Variants in UNK observed in about 807,000 individuals in gnomAD.
UNK encodes the protein RING finger protein unkempt homolog.
A neutral mutation model predicts 97.6 loss-of-function variants in UNK; 32 were observed. The ratio of observed to expected loss-of-function variants is 0.33; its 90% CI spans 0.25 to 0.44. The LOEUF (loss-of-function observed/expected upper bound fraction) is 0.44. UNK is among the 20% of genes least tolerant of loss of function. The pLI is 1.00. For missense variants in UNK, 771 were observed against 1,098.4 expected (o/e 0.70, Z 4.21); for synonymous variants, 441 against 461.2 (o/e 0.96, Z 0.56).
At position 75,813,059 on chromosome 17, in the gene UNK, C is replaced by T. The variant is rs761277066; in HGVS notation, c.623-19C>T. On this transcript the variant is annotated intron_variant, in intron 4 of 15. Coordinates refer to ENST00000589666, the MANE Select transcript of UNK (RefSeq NM_001080419.3). Reference sequence around the variant, plus strand: ...CCAGCTCCTCTCACCTGACCCCTGCCCTCTGGCCCCCTGTGCAGAGACTGC... The same window carrying T: ...CCAGCTCCTCTCACCTGACCCCTGCTCTCTGGCCCCCTGTGCAGAGACTGC... 8 of 1,576,450 alleles carry T rather than the reference C, an allele frequency of 5.1e-6. No homozygotes were observed. The highest frequency in any genetic ancestry group is 3.7e-5 in the Admixed American group (2 of 54,604).
chr17:75,784,967 G>T lies in UNK; in HGVS notation c.87G>T (p.Glu29Asp). Residue 29 changes from glutamate to aspartate, a missense_variant, in exon 1 of 16, where the codon GAG becomes GAT. Around this residue, in one of 5 missense-constraint regions of UNK, gnomAD observed 246 missense variants for 440.7 expected, o/e 0.56. Transcript: ENST00000589666. ...CTCAGGTGCTGCAGGCACAGCCCGA[G>T]AAACCGCAGCACTACACGTACGTAG... ...ATAQVLQAQP[E>D]KPQHYTYLKE... 6.6e-7 allele frequency: 1 copy of T among 1,519,542 alleles called. No homozygotes were observed. Among genetic ancestry groups the T allele is most frequent in the African/African-American group, 1.4e-5 (1 of 70,650 alleles). 94.1% of individuals were successfully genotyped at this position (1,519,542 alleles called of 1,614,324 possible).
intron 1 of UNK, among the ~76,000 whole-genome samples, chr17:75,790,233 G>A (rs909120506): frequency 6.6e-6 from 1 of 152,176 alleles, no homozygotes; most frequent in East Asian, 1.9e-4. Context: ...GGAGGCGGGG[G>A]TTGCAGTGAG....
chr17:75,816,971 T>TC lies in UNK; in HGVS notation c.1104+61dup. 3 of 1,536,002 alleles carry TC rather than the reference T, an allele frequency of 2.0e-6. No homozygotes were observed. Among genetic ancestry groups the TC allele is most frequent in the Non-Finnish European group, 2.6e-6 (3 of 1,143,784 alleles). Reference sequence around the variant, plus strand: ...ATGCCTGACAGAGCCAATACTTGCCTCCTAGGCCCTTTCAGCCTGGGCTTG... The same window carrying TC: ...ATGCCTGACAGAGCCAATACTTGCCTCCCTAGGCCCTTTCAGCCTGGGCTTG... On this transcript the variant is annotated intron_variant, in intron 8 of 15. Transcript: ENST00000589666. The surrounding 1 kb of genome is among the most constrained non-coding windows in gnomAD (Gnocchi z 4.0).
chr17:75,817,271 A>G lies in UNK; in HGVS notation c.1105-55A>G. ...CTCTGGAGAGGGTGGAGGATGGGCC[A>G]CGCACCAGCCTGCGCTGTGCCCACG... On this transcript the variant is annotated intron_variant, in intron 8 of 15. Transcript: ENST00000589666. The surrounding 1 kb of genome is among the most constrained non-coding windows in gnomAD (Gnocchi z 5.8). 2.0e-6 allele frequency: 3 copies of G among 1,489,814 alleles called. No individual in the cohort carries two copies. The highest frequency in any genetic ancestry group is 2.8e-5 in the African/African-American group (2 of 71,378). 92.3% of individuals were successfully genotyped at this position (1,489,814 alleles called of 1,614,324 possible).
intron 14 of UNK, 121 bp downstream of exon 14, chr17:75,822,779 TCA>T: frequency 8.0e-7 from 1 of 1,249,440 alleles, no homozygotes; most frequent in Non-Finnish European, 1.1e-6. Context: ...GAGCAGAAAC[TCA>T]GTTTTGTTCG....
In UNK at chr17:75,822,815, C is replaced by G. The variant is rs3744005; in HGVS notation, c.2019+157C>G. ...CGCTCGCTCTCCCCCTGGGAGGACT[C>G]GCTTTGCCAGTCAGGACCCTGGGTG... On this transcript the variant is annotated intron_variant, in intron 14 of 15. Coordinates refer to ENST00000589666, the MANE Select transcript of UNK (RefSeq NM_001080419.3). Among the ~76,000 whole-genome samples the G allele has an allele frequency of 8.5e-5, 13 of 152,374 alleles. No individual in the cohort carries two copies. In the East Asian group the frequency reaches 2.5e-3, roughly 29 times the overall value.
chr17:75,806,118 AAG>A (rs2061913318), intron 1 of UNK, among the ~76,000 whole-genome samples: 1 of 151,660 alleles, frequency 6.6e-6, no homozygotes, highest in African/African-American at 2.4e-5. Context: ...AAAAAAAAAA[AAG>A]AAATCTAAAG....
chr17:75,800,120 G>A (rs2061842329), intron 1 of UNK, among the ~76,000 whole-genome samples: 1 of 152,126 alleles, frequency 6.6e-6, no homozygotes, highest in Non-Finnish European at 1.5e-5. Context: ...CCTGGCTGGA[G>A]TGCAGTGGCA....
intron 1 of UNK, among the ~76,000 whole-genome samples, chr17:75,802,937 C>G (rs907939973): frequency 6.8e-6 from 1 of 146,578 alleles, no homozygotes; most frequent in African/African-American, 2.6e-5. Context: ...CCACCCTGGC[C>G]AACATGGTGA....
In UNK at chr17:75,812,100, AC is replaced by A. The variant is rs1567804180; in HGVS notation, c.315-10del. On this transcript the variant is annotated splice_polypyrimidine_tract_variant and intron_variant, in intron 2 of 15. Coordinates refer to ENST00000589666, the MANE Select transcript of UNK (RefSeq NM_001080419.3). ...GCAGCAAAGTTGAGTGACCCCCACTACCGTGTTCCAGGTGCCCATTCCTGCA... is the reference window on the plus strand; with the variant it reads ...GCAGCAAAGTTGAGTGACCCCCACTACGTGTTCCAGGTGCCCATTCCTGCA... The A allele has an allele frequency of 6.3e-7, 1 of 1,587,668 alleles. No homozygotes were observed. Among genetic ancestry groups the A allele is most frequent in the East Asian group, 2.2e-5 (1 of 44,582 alleles).
At chr17:75,793,504 G>T (rs1393883719) in intron 1 of UNK, 1 of 985,220 alleles carries the variant, frequency 1.0e-6, no homozygotes, top group African/African-American at 1.7e-5. Flanking sequence ...AAGGAGTCTA[G>T]CAACTTAAAA....
At chr17:75,794,128 T>A (rs945652024) in intron 1 of UNK, 1 of 979,472 alleles carries the variant, frequency 1.0e-6, no homozygotes, top group African/African-American at 1.7e-5. Flanking sequence ...TGTTTTACTA[T>A]TGAAGTAAGA....
At chr17:75,806,213 T>C (rs2061914531) in intron 1 of UNK, among the ~76,000 whole-genome samples, 1 of 151,982 alleles carries the variant, frequency 6.6e-6, no homozygotes, top group African/African-American at 2.4e-5. Context: ...CCCGGCACTT[T>C]GGGAGGCCGA....
At chr17:75,785,630 A>G (rs1010735893) in intron 1 of UNK, 2 of 152,346 alleles carry the variant, frequency 1.3e-5, no homozygotes, top group African/African-American at 4.8e-5. Context: ...GGCTCAGCAG[A>G]AATGTAGCAT....
chr17:75,791,849 AT>A (rs2061766321), intron 1 of UNK: 2 of 985,314 alleles, frequency 2.0e-6, no homozygotes, highest in Non-Finnish European at 1.2e-6. Context: ...ACTGTGACTT[AT>A]TGGTGAGGGC....
intron 15 of UNK, among the ~76,000 whole-genome samples, chr17:75,823,887 G>A (rs2062093583): frequency 6.6e-6 from 1 of 152,206 alleles, no homozygotes; most frequent in Non-Finnish European, 1.5e-5. Context: ...GTCTCCTGCT[G>A]GGTCCCCGGG....
Position 75,824,444 on chromosome 17 carries a change from C to T in UNK, c.*27C>T. On this transcript the variant is annotated 3_prime_UTR_variant, in exon 16 of 16. Transcript: ENST00000589666. This position sits in a 1 kb window ranked among gnomAD's most constrained non-coding sequence, Gnocchi z 4.9. ...CCTGCAGGCCTGGCCCAGCCTGGCC[C>T]AGATCTTCTCACCTAGGACTTTTTA... 1 of 1,416,716 alleles carries T rather than the reference C, an allele frequency of 7.1e-7. No individual in the cohort carries two copies. The highest frequency in any genetic ancestry group is 9.2e-7 in the Non-Finnish European group (1 of 1,087,012). The allele number at this position is 1,416,716 out of a possible 1,614,324, so 87.8% of individuals were successfully genotyped here.
intron 2 of UNK, among the ~76,000 whole-genome samples, chr17:75,810,262 C>T (rs1228592990): frequency 6.6e-6 from 1 of 152,248 alleles, no homozygotes; most frequent in Non-Finnish European, 1.5e-5. Context: ...CTGGGGATCA[C>T]ATCCCATGCA....
chr17:75,785,137 T>G (rs1599350366), intron 1 of UNK, 153 bp downstream of exon 1: 1 of 539,640 alleles, frequency 1.9e-6, no homozygotes, highest in Non-Finnish European at 3.2e-6. Context: ...CTGGGGCCGG[T>G]CCCAACTGCC....
Sources: allele counts gnomAD v4.1 joint callset (sites outside exome capture counted in the v4.1 genomes callset), GRCh38; gene constraint gnomAD v4.1.1; regional missense constraint gnomAD v4.1.1; non-coding constraint Gnocchi (gnomAD v3.1); transcripts MANE v1.5; gene names NCBI Gene and HGNC (gene_info 2026-07-23, HGNC 2026-07-21).